The following ABCA2 variants were observed in gnomAD, a reference collection of about 807,000 sequenced individuals.
ABCA2 encodes the protein ATP binding cassette subfamily A member 2.
ABCA2 carries 84 observed loss-of-function variants against 262.8 expected under a neutral mutation model. The observed-to-expected ratio is 0.32, with a 90% confidence interval of 0.27 to 0.38. The LOEUF (loss-of-function observed/expected upper bound fraction) is 0.38. Among genes scored for constraint, ABCA2 ranks in the 10% least tolerant of loss-of-function variants. ABCA2 has a pLI of 1.00. For synonymous variants in ABCA2, 1,696 were observed against 1,502.9 expected, an observed-to-expected ratio of 1.13 and a Z score of -2.97; for missense variants, 2,662 against 3,405.9, an observed-to-expected ratio of 0.78 and a Z score of 5.44.
intron 1 of ABCA2, among the ~76,000 whole-genome samples, chr9:137,026,035 G>A (rs1388784927): frequency 1.3e-5 from 2 of 152,166 alleles, no homozygotes; most frequent in Non-Finnish European, 2.9e-5. Context: ...TGTAGCTCCC[G>A]CCTACTGTGT....
Position 137,010,135 on chromosome 9 carries a change from G to C in ABCA2, c.6354-11C>G, listed in dbSNP as rs199818779. On this transcript the variant is annotated splice_polypyrimidine_tract_variant and intron_variant, in intron 41 of 48. Coordinates refer to ENST00000341511, the MANE Select transcript of ABCA2 (RefSeq NM_001606.5). ...AGCTCCTTCAGCACGCTGGGGACAC[G>C]GCAGCTGTCAGCGCGTGAGGACGCG... 1.3e-6 allele frequency: 2 copies of C among 1,591,544 alleles called. No individual in the cohort carries two copies. The highest frequency in any genetic ancestry group is 2.7e-5 in the African/African-American group (2 of 74,726).
In ABCA2 at chr9:137,010,786, C is replaced by T. The variant is rs773775153; in HGVS notation, c.6057-49G>A. ...TCCAGCAGCTCGCCACCCCCACTGC[C>T]CCTCCCTGCCACCAGCCTCGCATCC... On this transcript the variant is annotated intron_variant, in intron 39 of 48. Coordinates refer to ENST00000341511, the MANE Select transcript of ABCA2 (RefSeq NM_001606.5). The T allele has an allele frequency of 4.5e-6, 7 of 1,562,130 alleles. No individual in the cohort carries two copies. In the African/African-American group the frequency reaches 8.1e-5, roughly 18 times the overall value.
chr9:137,020,316 A>G lies in ABCA2; in HGVS notation c.1425+20T>C. ...CTCCCACTCTGCCTGTCAAACATGG[A>G]GCGTCCCAGACCCGTGCACCTTGAG... On this transcript the variant is annotated intron_variant, in intron 10 of 48. Coordinates refer to ENST00000341511, the MANE Select transcript of ABCA2 (RefSeq NM_001606.5). 2 of 1,610,920 alleles carry G rather than the reference A, an allele frequency of 1.2e-6. No individual in the cohort carries two copies. The highest frequency in any genetic ancestry group is 1.7e-6 in the Non-Finnish European group (2 of 1,179,910).
intron 48 of ABCA2, 119 bp from the exon 49 acceptor site, chr9:137,008,083 C>T: frequency 8.0e-7 from 1 of 1,253,686 alleles, no homozygotes; most frequent in Non-Finnish European, 1.1e-6. Flanking sequence ...GCAGGGTCTC[C>T]CCACGAGCTC....
rs145257384 is a variant in ABCA2, at chr9:137,019,021, T to C, written c.1604A>G (p.Asp535Gly). ...CTGTCTCAGGGCCGGCGGCAGCTCATCCAGTGACAGGTTCAGTGCCTCGGG... is the reference window on the plus strand; with the variant it reads ...CTGTCTCAGGGCCGGCGGCAGCTCACCCAGTGACAGGTTCAGTGCCTCGGG... ...LHPEALNLSL[D>G]ELPPALRQDN... Residue 535 changes from aspartate to glycine, a missense_variant, in exon 12 of 49, where the codon GAT (aspartate) becomes GGT (glycine). Physicochemically the swap from Asp to Gly is moderately conservative, Grantham distance 94. Transcript: ENST00000341511. This position sits in a 1 kb window ranked among gnomAD's most constrained non-coding sequence, Gnocchi z 4.4. 1 of 1,612,736 alleles carries C rather than the reference T, an allele frequency of 6.2e-7. No homozygotes were observed. The highest frequency in any genetic ancestry group is 8.5e-7 in the Non-Finnish European group (1 of 1,179,774).
chr9:137,009,688 C>G (rs745419724), intron 43 of ABCA2, 44 bp from the exon 44 acceptor site: 1 of 1,612,140 alleles, frequency 6.2e-7, no homozygotes, highest in Non-Finnish European at 8.5e-7. Context: ...GCCCACACAC[C>G]CCAGCCTGAA....
intron 47 of ABCA2, 47 bp downstream of exon 47, chr9:137,008,684 G>C: frequency 2.6e-6 from 4 of 1,558,366 alleles, no homozygotes; most frequent in Non-Finnish European, 3.5e-6. Flanking sequence ...GGCAGGGCGG[G>C]TGAGGGGAGG....
At chr9:137,010,572 G>T in intron 40 of ABCA2, 48 bp downstream of exon 40, 1 of 1,504,716 alleles carries the variant, frequency 6.6e-7, no homozygotes, top group Non-Finnish European at 9.2e-7. Flanking sequence ...CACCCCCCTG[G>T]CCCTGGCCTA....
chr9:137,009,706 C>T (rs1487418076), intron 43 of ABCA2, 62 bp from the exon 44 acceptor site: 2 of 1,610,384 alleles, frequency 1.2e-6, no homozygotes, highest in Non-Finnish European at 1.7e-6. Flanking sequence ...GAACGCTGCC[C>T]CTGCCCGTGC....
chr9:137,028,816 G>A (rs1014213146), upstream of ABCA2: 1 of 1,295,812 alleles, frequency 7.7e-7, no homozygotes, highest in Non-Finnish European at 1.0e-6. The surrounding 1 kb of genome is among the most constrained non-coding windows in gnomAD (Gnocchi z 6.9). Context: ...CGCCGTGAGC[G>A]GAGCAGGCAG....
chr9:137,012,907 G>A lies in ABCA2; in HGVS notation c.4886C>T (p.Pro1629Leu), dbSNP rs545765426. ...TAGPEMWTSA[P>L]SLPRLVREPV... ...CTCCCGTACCAGGCGCGGCAGGGAG[G>A]GTGCCGACGTCCACATTTCTGTGGG... Residue 1629 changes from proline to leucine, a missense_variant, in exon 31 of 49, where the codon CCC (proline) becomes CTC (leucine). This residue lies in a region of ABCA2 where 192 missense variants were observed against 207.2 expected (regional missense o/e 0.93). Transcript: ENST00000341511. 30 of 1,532,882 alleles carry A rather than the reference G, an allele frequency of 2.0e-5. No homozygotes were observed. In the East Asian group the frequency reaches 5.7e-4, roughly 29 times the overall value. 95.0% of individuals were successfully genotyped at this position (1,532,882 alleles called of 1,614,324 possible). A position where few individuals can be genotyped will look rare whatever the true frequency, so the allele number is the denominator to read the frequency against.
rs377504235 is a variant in ABCA2, at chr9:137,017,959, C to A, written c.2096+14G>T. 1 of 1,612,410 alleles carries A rather than the reference C, an allele frequency of 6.2e-7. No homozygotes were observed. On this transcript the variant is annotated intron_variant, in intron 15 of 48. Transcript: ENST00000341511. ...CCCCAGCCCCAGCCCCAGCCCCGGGCGCCCAGCACTCACTCATCGCGTGTG... is the reference window on the plus strand; with the variant it reads ...CCCCAGCCCCAGCCCCAGCCCCGGGAGCCCAGCACTCACTCATCGCGTGTG...
chr9:137,021,256 C>T lies in ABCA2; in HGVS notation c.897+136G>A. 2.3e-6 allele frequency: 3 copies of T among 1,306,324 alleles called. No homozygotes were observed. Among genetic ancestry groups the T allele is most frequent in the South Asian group, 2.9e-5 (2 of 69,618 alleles). The allele number at this position is 1,306,324 out of a possible 1,614,324, so 80.9% of individuals were successfully genotyped here. A position where few individuals can be genotyped will look rare whatever the true frequency, so the allele number is the denominator to read the frequency against. ...AGGAGTGGGGCACCAGCCATGGTGC[C>T]ATTGGATACCCACCCACAGGCAGCA... On this transcript the variant is annotated intron_variant, in intron 8 of 48. Transcript: ENST00000341511. This position sits in a 1 kb window ranked among gnomAD's most constrained non-coding sequence, Gnocchi z 6.0.
intron 3 of ABCA2, 151 bp from the exon 4 acceptor site, chr9:137,023,203 C>T (rs1831540249): frequency 2.9e-6 from 2 of 686,998 alleles, no homozygotes; most frequent in African/African-American, 1.8e-5. Context: ...GGCACAGAGC[C>T]CTGGCCCCAG....
Position 137,020,854 on chromosome 9 carries a change from T to G in ABCA2, c.1105A>C (p.Asn369His). 6.5e-7 allele frequency: 1 copy of G among 1,544,456 alleles called. No homozygotes were observed. Among genetic ancestry groups the G allele is most frequent in the Non-Finnish European group, 8.8e-7 (1 of 1,142,816 alleles). Residue 369 changes from asparagine to histidine, a missense_variant, in exon 9 of 49, where the codon AAT becomes CAT. Asn to His is a moderately conservative substitution (Grantham distance 68). Coordinates refer to ENST00000341511, the MANE Select transcript of ABCA2 (RefSeq NM_001606.5). ...ATGACTGCCCCTGCCCCAGTGCCAT[T>G]GGCCGCCCCACCCGCACCACTGGCT... is the stretch of plus-strand genomic sequence containing the variant. ...PPASGAGGAA[N>H]GTGAGAVMGP...
chr9:137,026,984 GTGA>G (rs1259067309), intron 1 of ABCA2, among the ~76,000 whole-genome samples: 1 of 152,248 alleles, frequency 6.6e-6, no homozygotes, highest in East Asian at 1.9e-4. Flanking sequence ...GCCAGCCATG[GTGA>G]TGATGGCCAC....
rs371651096 is a variant in ABCA2, at chr9:137,017,696, C to A, written c.2212-4G>T. The A allele has an allele frequency of 1.9e-6, 3 of 1,607,432 alleles. No individual in the cohort carries two copies. The African/African-American group carries it at 4.0e-5, about 21-fold the overall frequency. On this transcript the variant is annotated splice_polypyrimidine_tract_variant and splice_region_variant and intron_variant, in intron 16 of 48. Transcript: ENST00000341511. ...TCAGGCCCATGGTCTTCATCACCTG[C>A]GGGTGGGCCAGGGGCTTGGGGCAGG... is the stretch of plus-strand genomic sequence containing the variant.
In ABCA2 at chr9:137,021,093, G is replaced by T; in HGVS notation, c.898-32C>A. ...GGAAACAGGCACGTGGGCAGTGCGG[G>T]GTGAGATGGACTGCAGGTGGGTGAT... On this transcript the variant is annotated intron_variant, in intron 8 of 48. Coordinates refer to ENST00000341511, the MANE Select transcript of ABCA2 (RefSeq NM_001606.5). This position sits in a 1 kb window ranked among gnomAD's most constrained non-coding sequence, Gnocchi z 6.0. 1 of 1,457,142 alleles carries T rather than the reference G, an allele frequency of 6.9e-7. No homozygotes were observed. The allele number at this position is 1,457,142 out of a possible 1,614,324, so 90.3% of individuals were successfully genotyped here.
intron 45 of ABCA2, 49 bp from the exon 46 acceptor site, chr9:137,009,102 CCCCAGCCCCCCAGCCT>C (rs767836565): frequency 6.5e-7 from 1 of 1,544,716 alleles, no homozygotes; most frequent in Non-Finnish European, 8.8e-7. Flanking sequence ...CCAGCCAGAG[CCCCAGCCCCCCAGCCT>C]CCCAGCCCTA....
Sources: allele counts gnomAD v4.1 joint callset (sites outside exome capture counted in the v4.1 genomes callset), GRCh38; gene constraint gnomAD v4.1.1; regional missense constraint gnomAD v4.1.1; non-coding constraint Gnocchi (gnomAD v3.1); transcripts MANE v1.5; gene names NCBI Gene and HGNC (gene_info 2026-07-23, HGNC 2026-07-21).